Variants in PRKG1 observed in about 807,000 individuals in gnomAD.
PRKG1 encodes the protein cGMP-dependent protein kinase 1.
Under a neutral mutation model 88.1 loss-of-function variants are expected in PRKG1, and 35 were observed. The observed-to-expected ratio is 0.40, with a 90% CI of 0.30 to 0.53. PRKG1 has a LOEUF of 0.53. Among genes scored for constraint, PRKG1 ranks in the 20% least tolerant of loss-of-function variants. The probability of loss-of-function intolerance (pLI) is 0.59; values close to 1 mark genes in which losing one functional copy is unlikely to be tolerated. For missense variants in PRKG1, 540 were observed against 839.8 expected, an observed-to-expected ratio of 0.64 and a Z score of 4.41; for synonymous variants, 303 against 292.5, an observed-to-expected ratio of 1.04 and a Z score of -0.37.
At chr10:52,264,869 C>T (rs770951342) in intron 10 of PRKG1, among the ~76,000 whole-genome samples, 6 of 151,932 alleles carry the variant, frequency 3.9e-5, no homozygotes, top group Non-Finnish European at 8.8e-5. Context: ...AAAACCCCCA[C>T]CCCCGAAGAG....
chr10:51,110,235 A>G (rs1039323772), intron 1 of PRKG1, among the ~76,000 whole-genome samples: 1 of 152,144 alleles, frequency 6.6e-6, no homozygotes, highest in Admixed American at 6.6e-5. Context: ...AGATGTTCAC[A>G]TGAAGACTTG....
intron 2 of PRKG1, among the ~76,000 whole-genome samples, chr10:51,249,767 G>A (rs772166033): frequency 2.0e-5 from 3 of 151,928 alleles, no homozygotes; most frequent in African/African-American, 7.2e-5. Context: ...GTGAGGCACT[G>A]TTCCAGTGTT....
At chr10:52,148,859 C>G (rs1837811085) in intron 8 of PRKG1, among the ~76,000 whole-genome samples, 1 of 151,272 alleles carries the variant, frequency 6.6e-6, no homozygotes, top group African/African-American at 2.4e-5. Context: ...GAATAGAATT[C>G]CAGGCAGCAA....
chr10:51,485,471 A>G (rs1370524223), intron 3 of PRKG1, among the ~76,000 whole-genome samples: 2 of 152,216 alleles, frequency 1.3e-5, no homozygotes, highest in Non-Finnish European at 2.9e-5. Context: ...GCTTTGTAGC[A>G]TAGTTTCACA....
rs1169142685 is a variant in PRKG1, at chr10:52,161,922, T to C, written c.1035T>C (p.Asp345=). Residue 345 remains aspartate, a synonymous_variant, in exon 9 of 18, where the codon GAT becomes GAC. Coordinates refer to ENST00000373980, the MANE Select transcript of PRKG1 (RefSeq NM_006258.4). ...SFKHLIGGLD[D]VSNKAYEDAE... is the part of the protein sequence containing the mutation. ...AACATTTGATTGGAGGGCTGGATGA[T>C]GTTTCTAATAAAGCATATGAAGATG... 6.2e-7 allele frequency: 1 copy of C among 1,612,752 alleles called. No individual in the cohort carries two copies. Among genetic ancestry groups the C allele is most frequent in the Non-Finnish European group, 8.5e-7 (1 of 1,179,422 alleles).
intron 2 of PRKG1, among the ~76,000 whole-genome samples, chr10:51,324,458 C>G (rs181708005): frequency 2.1e-3 from 324 of 152,044 alleles, no homozygotes; most frequent in African/African-American, 7.3e-3. Context: ...CATTAAGGTT[C>G]CATTGTGGGC....
intron 4 of PRKG1, among the ~76,000 whole-genome samples, chr10:51,827,080 G>A (rs934905769): frequency 6.6e-6 from 1 of 152,002 alleles, no homozygotes; most frequent in African/African-American, 2.4e-5. Context: ...AACATTAAGG[G>A]TACATCAACA....
chr10:51,937,094 T>C (rs979311665), intron 5 of PRKG1, among the ~76,000 whole-genome samples: 2 of 152,032 alleles, frequency 1.3e-5, no homozygotes, highest in Admixed American at 1.3e-4. Context: ...TGGAAAACAC[T>C]TTAAGAAAAT....
chr10:51,243,783 A>G (rs750102395), intron 2 of PRKG1, among the ~76,000 whole-genome samples: 3 of 152,198 alleles, frequency 2.0e-5, no homozygotes, highest in Non-Finnish European at 4.4e-5. Flanking sequence ...TAATTGGTAG[A>G]TATCAGTAGA....
intron 2 of PRKG1, among the ~76,000 whole-genome samples, chr10:51,373,356 A>C (rs777236541): frequency 6.6e-6 from 1 of 152,204 alleles, no homozygotes; most frequent in Non-Finnish European, 1.5e-5. Context: ...GGCATCAGCC[A>C]GGGATAGAGT....
At chr10:51,102,436 T>C (rs1339226829) in intron 1 of PRKG1, among the ~76,000 whole-genome samples, 1 of 151,364 alleles carries the variant, frequency 6.6e-6, no homozygotes, top group Non-Finnish European at 1.5e-5. Flanking sequence ...TCTCTGGAGT[T>C]GGAAAAAAAA....
chr10:51,726,088 T>A (rs1350141100), intron 3 of PRKG1, among the ~76,000 whole-genome samples: 1 of 152,244 alleles, frequency 6.6e-6, no homozygotes, highest in Non-Finnish European at 1.5e-5. Context: ...GACTAGCTCT[T>A]ATACACTACC....
chr10:51,775,038 T>G (rs1367119760), intron 3 of PRKG1, among the ~76,000 whole-genome samples: 1 of 152,158 alleles, frequency 6.6e-6, no homozygotes, highest in Non-Finnish European at 1.5e-5. Context: ...TAGTATATAT[T>G]TCTGTATATA....
chr10:51,616,333 G>T (rs1839054113), intron 3 of PRKG1, among the ~76,000 whole-genome samples: 1 of 152,196 alleles, frequency 6.6e-6, no homozygotes, highest in South Asian at 2.1e-4. Context: ...GCAGTGGGAT[G>T]GGAAGCTGGT....
chr10:51,287,534 T>A (rs1172105134), intron 2 of PRKG1, among the ~76,000 whole-genome samples: 1 of 151,842 alleles, frequency 6.6e-6, no homozygotes, highest in Non-Finnish European at 1.5e-5. Flanking sequence ...TCTAGTAGAG[T>A]GAAGAGAGGA....
intron 3 of PRKG1, among the ~76,000 whole-genome samples, chr10:51,662,877 G>A (rs867498857): frequency 1.3e-5 from 2 of 152,008 alleles, no homozygotes; most frequent in African/African-American, 4.8e-5. Flanking sequence ...ATAGTGTACT[G>A]GGGCAGTAAG....
intron 4 of PRKG1, among the ~76,000 whole-genome samples, chr10:51,900,544 A>G (rs1841957343): frequency 6.6e-6 from 1 of 152,208 alleles, no homozygotes; most frequent in Non-Finnish European, 1.5e-5. Context: ...TAAAAAAATC[A>G]TATTTCTTAA....
intron 3 of PRKG1, among the ~76,000 whole-genome samples, chr10:51,570,973 A>G (rs934560223): frequency 6.6e-6 from 1 of 151,948 alleles, no homozygotes; most frequent in Non-Finnish European, 1.5e-5. Context: ...AGGTGTATAA[A>G]TATATTTATA....
intron 4 of PRKG1, among the ~76,000 whole-genome samples, chr10:51,817,349 C>CG (rs945096635): frequency 2.1e-5 from 3 of 142,636 alleles, no homozygotes; most frequent in East Asian, 2.1e-4. Context: ...CCTCCCCAAC[C>CG]CCCCCCCTCC....
Sources: gnomAD v4.1 joint callset for allele counts (sites outside exome capture counted in the v4.1 genomes callset) on GRCh38, gnomAD v4.1.1 for gene constraint, MANE v1.5 for transcripts, NCBI Gene and HGNC (gene_info 2026-07-23, HGNC 2026-07-21) for gene names.